Variants in CELA3A observed in about 807,000 individuals in gnomAD.
CELA3A encodes chymotrypsin like elastase 3A, also known as chymotrypsin-like elastase family member 3A.
A neutral mutation model predicts 38.6 loss-of-function variants in CELA3A; 35 were observed. The ratio of observed to expected loss-of-function variants is 0.91; its 90% CI spans 0.69 to 1.20. CELA3A has a LOEUF of 1.20. Ranked by LOEUF, CELA3A falls within the 50% of genes most tolerant of loss-of-function variation. The pLI is 0.00. For synonymous variants in CELA3A, 143 were observed against 136.7 expected (o/e 1.05, Z -0.32); for missense variants, 343 against 354.2 (o/e 0.97, Z 0.25).
rs1256726826 is a variant in CELA3A, at chr1:22,009,741, G to A, written c.679G>A (p.Asp227Asn). Residue 227 changes from aspartate to asparagine, a missense_variant, in exon 7 of 8, where the codon GAT becomes AAT. Transcript: ENST00000290122. ...AGGACCCCTCAACTGCCCCACAGAGGATGGTGGCTGGCAGGTCCACGGTGT... is the reference window on the plus strand; with the variant it reads ...AGGACCCCTCAACTGCCCCACAGAGAATGGTGGCTGGCAGGTCCACGGTGT... The part of the protein sequence containing the change: ...SGGPLNCPTE[D>N]GGWQVHGVTS... 1 of 1,612,226 alleles carries A rather than the reference G, an allele frequency of 6.2e-7. No homozygotes were observed. Among genetic ancestry groups the A allele is most frequent in the Admixed American group, 1.7e-5 (1 of 59,864 alleles).
intron 4 of CELA3A, among the ~76,000 whole-genome samples, chr1:22,006,229 T>C (rs1644949195): frequency 6.6e-6 from 1 of 151,690 alleles, no homozygotes; most frequent in South Asian, 2.1e-4. Flanking sequence ...ATTAACTCTG[T>C]GTATGGCCTG....
Position 22,007,232 on chromosome 1 carries a change from CA to C in CELA3A, c.500-138del, listed in dbSNP as rs774896163. 483 of 1,324,064 alleles carry C rather than the reference CA, an allele frequency of 3.6e-4. 7 individuals carry two copies. Among genetic ancestry groups the C allele is most frequent in the Non-Finnish European group, 4.4e-4 (427 of 968,432 alleles). The allele number at this position is 1,324,064 out of a possible 1,614,324, so 82.0% of individuals were successfully genotyped here. On this transcript the variant is annotated intron_variant, in intron 5 of 7. Transcript: ENST00000290122. ...CACGTGCTAGGGATGTAATGGTGCA[CA>C]AAGCATGCAGGACCATTTAGCGGGT...
In CELA3A at chr1:22,006,860, C is replaced by A; in HGVS notation, c.363-18C>A. The A allele has an allele frequency of 1.2e-6, 2 of 1,610,294 alleles. No homozygotes were observed. Among genetic ancestry groups the A allele is most frequent in the Non-Finnish European group, 1.7e-6 (2 of 1,178,076 alleles). On this transcript the variant is annotated intron_variant, in intron 4 of 7. Transcript: ENST00000290122. ...CCGGCTGGAGGACCAGGCCCCGTGA[C>A]TGTTCCCTCCTCCCCAGCAATGACA... is the stretch of plus-strand genomic sequence containing the variant.
Position 22,012,433 on chromosome 1 carries a change from C to A in CELA3A, c.796-17C>A, listed in dbSNP as rs200309031. ...CTCCTAAATTGACTATTCTGTCTGC[C>A]CCCCCAACTTTTCCAGACCATAGCA... On this transcript the variant is annotated splice_polypyrimidine_tract_variant and intron_variant, in intron 7 of 7. Transcript: ENST00000290122. 5.2e-6 allele frequency: 6 copies of A among 1,156,996 alleles called. 1 individual carries two copies. In the East Asian group the frequency reaches 1.5e-4, roughly 29 times the overall value. The allele number at this position is 1,156,996 out of a possible 1,614,324, so 71.7% of individuals were successfully genotyped here.
intron 4 of CELA3A, 80 bp from the exon 5 acceptor site, chr1:22,006,798 A>T: frequency 3.2e-6 from 5 of 1,556,382 alleles, no homozygotes; most frequent in Non-Finnish European, 4.4e-6. Flanking sequence ...TCAGAGGTGG[A>T]ATAGCCTGGA....
intron 5 of CELA3A, 143 bp downstream of exon 5, chr1:22,007,157 C>T: frequency 1.4e-6 from 2 of 1,414,780 alleles, no homozygotes; most frequent in Non-Finnish European, 9.5e-7. Flanking sequence ...CCATCAACCT[C>T]CAAAACACGA....
intron 6 of CELA3A, among the ~76,000 whole-genome samples, chr1:22,008,200 G>C (rs1160712738): frequency 7.1e-5 from 9 of 127,558 alleles, no homozygotes; most frequent in East Asian, 4.4e-4. Flanking sequence ...GCCCAGGCTG[G>C]AGTGCAGTAA....
intron 4 of CELA3A, 85 bp from the exon 5 acceptor site, chr1:22,006,793 G>A: frequency 1.3e-6 from 2 of 1,542,462 alleles, no homozygotes; most frequent in Non-Finnish European, 1.8e-6. Context: ...GCATCTCAGA[G>A]GTGGAATAGC....
chr1:22,005,081 C>A (rs4454516), intron 2 of CELA3A, among the ~76,000 whole-genome samples: 127,196 of 138,022 alleles, frequency 0.92, 58,705 homozygotes, highest in Non-Finnish European at 0.95. Flanking sequence ...GCCTGGGGAA[C>A]AAGAGCAAAA....
intron 5 of CELA3A, 80 bp from the exon 6 acceptor site, chr1:22,007,293 G>A: frequency 2.6e-6 from 4 of 1,522,502 alleles, no homozygotes; most frequent in Non-Finnish European, 2.7e-6. Context: ...GAAGAACTGT[G>A]GGCCTTGAAT....
chr1:22,004,602 T>A (rs1327522373), intron 2 of CELA3A, among the ~76,000 whole-genome samples: 3 of 151,870 alleles, frequency 2.0e-5, no homozygotes, highest in Non-Finnish European at 2.9e-5. Flanking sequence ...AATACAGAAA[T>A]GAATGTGACT....
At chr1:22,003,152 T>C (rs4543768) in intron 2 of CELA3A, 64 bp downstream of exon 2, 404,638 of 1,332,666 alleles carry the variant, frequency 0.3, 81,501 homozygotes, top group East Asian at 0.62. Context: ...TCTAATGGCG[T>C]GGCATCCAGC....
chr1:22,004,290 C>T (rs1408764171), intron 2 of CELA3A, among the ~76,000 whole-genome samples: 1 of 150,736 alleles, frequency 6.6e-6, no homozygotes, highest in African/African-American at 2.5e-5. Context: ...CCAGGCTTGC[C>T]TCGAACTTCT....
intron 1 of CELA3A, among the ~76,000 whole-genome samples, chr1:22,002,000 G>T (rs1261346325): frequency 6.6e-6 from 1 of 150,942 alleles, no homozygotes; most frequent in East Asian, 1.9e-4. Context: ...CTGTGTGGTT[G>T]GACTTCTTGG....
rs1327810868 is a variant in CELA3A, at chr1:22,001,694, G to A, written c.20G>A (p.Ser7Asn). Residue 7 changes from serine to asparagine, a missense_variant, in exon 1 of 8, where the codon AGT becomes AAT. Coordinates refer to ENST00000290122, the MANE Select transcript of CELA3A (RefSeq NM_005747.5). ...AAACTCATGATGCTCCGGCTGCTCA[G>A]TTCCCTCCTCCTTGTGGCCGTTGGT... is the stretch of plus-strand genomic sequence containing the variant. MMLRLL[S>N]SLLLVAVASG... 6.2e-7 allele frequency: 1 copy of A among 1,612,186 alleles called. No homozygotes were observed. Among genetic ancestry groups the A allele is most frequent in the South Asian group, 1.1e-5 (1 of 91,022 alleles).
rs745873828 is a variant in CELA3A at position 22,003,956 on chromosome 1, G to A, written c.129+868G>A. Reference sequence around the variant, plus strand: ...TGACCTCAGGTGATCCACCTGCCTCGGCCTCTCAAAGTGCTGGGATTACAG... The same window carrying A: ...TGACCTCAGGTGATCCACCTGCCTCAGCCTCTCAAAGTGCTGGGATTACAG... On this transcript the variant is annotated intron_variant, in intron 2 of 7. Coordinates refer to ENST00000290122, the MANE Select transcript of CELA3A (RefSeq NM_005747.5). 1.3e-3 allele frequency among the ~76,000 whole-genome samples: 198 copies of A among 150,914 alleles called. 7 individuals carry two copies. The highest frequency in any genetic ancestry group is 4.7e-4 in the Non-Finnish European group (32 of 67,832).
intron 6 of CELA3A, among the ~76,000 whole-genome samples, chr1:22,009,178 A>C (rs1644968956): frequency 6.6e-6 from 1 of 151,166 alleles, no homozygotes; most frequent in African/African-American, 2.5e-5. Flanking sequence ...ATCCTGGCTA[A>C]CACGGTGAAA....
rs1162511091 is a variant in CELA3A at position 22,004,071 on chromosome 1, CTTTG to C, written c.129+987_129+990del. Among the ~76,000 whole-genome samples the C allele has an allele frequency of 4.8e-4, 37 of 77,880 alleles. 1 individual carries two copies. The highest frequency in any genetic ancestry group is 2.5e-3 in the African/African-American group (35 of 13,922). 51.1% of individuals were successfully genotyped at this position (77,880 alleles called of 152,430 possible). A position where few individuals can be genotyped will look rare whatever the true frequency, so the allele number is the denominator to read the frequency against. On this transcript the variant is annotated intron_variant, in intron 2 of 7. Transcript: ENST00000290122. ...GTGCTTTTTTCTTTTCTTTTCTTTTCTTTGTTTTTTTTTTTTTTGAGACAGGGTC... is the reference window on the plus strand; with the variant it reads ...GTGCTTTTTTCTTTTCTTTTCTTTTCTTTTTTTTTTTTTTGAGACAGGGTC...
chr1:22,004,075 G>GTTTTT (rs5772975), intron 2 of CELA3A, among the ~76,000 whole-genome samples: 1 of 135,638 alleles, frequency 7.4e-6, no homozygotes, highest in Non-Finnish European at 1.5e-5. Flanking sequence ...TCTTTTCTTT[G>GTTTTT]TTTTTTTTTT....
Sources: gnomAD v4.1 joint callset for allele counts (sites outside exome capture counted in the v4.1 genomes callset) on GRCh38, gnomAD v4.1.1 for gene constraint, MANE v1.5 for transcripts, NCBI Gene and HGNC (gene_info 2026-07-23, HGNC 2026-07-21) for gene names.